Variants in FBXL2 observed in about 807,000 individuals in gnomAD.
The protein encoded by FBXL2 is F-box/LRR-repeat protein 2.
Under a neutral mutation model 69.2 loss-of-function variants are expected in FBXL2, and 38 were observed. The observed-to-expected ratio is 0.55, with a 90% CI of 0.42 to 0.72. The LOEUF (loss-of-function observed/expected upper bound fraction) is 0.72, where lower values mean the gene tolerates loss of function less well. Ranked by LOEUF, FBXL2 falls within the 30% of genes least tolerant of loss-of-function variation. The probability of loss-of-function intolerance (pLI) is 0.00; values close to 1 mark genes in which losing one functional copy is unlikely to be tolerated. For missense variants in FBXL2, 354 were observed against 520.3 expected (o/e 0.68, Z 3.11); for synonymous variants, 192 against 201.3 (o/e 0.95, Z 0.39).
At chr3:33,332,886 A>G (rs558504429) in intron 2 of FBXL2, among the ~76,000 whole-genome samples, 7 of 152,370 alleles carry the variant, frequency 4.6e-5, no homozygotes, top group Non-Finnish European at 7.3e-5. Context: ...ATGATTGTAT[A>G]TAAGTACAGT....
rs377334392 is a variant in FBXL2, at chr3:33,299,230, C to T, written c.65+1505C>T. Among the ~76,000 whole-genome samples the T allele has an allele frequency of 3.0e-4, 45 of 151,998 alleles. No individual in the cohort carries two copies. The East Asian group carries it at 6.2e-3, about 21-fold the overall frequency. The stretch of plus-strand genomic sequence containing the variant: ...CTGATTTTTGTATTTTTAGTAGAGA[C>T]GGGGTTTCACTGTGTTGCCCAGGCT... On this transcript the variant is annotated intron_variant, in intron 2 of 14. Coordinates refer to ENST00000484457, the MANE Select transcript of FBXL2 (RefSeq NM_012157.5).
chr3:33,303,298 G>A (rs1179925691), intron 2 of FBXL2: 11 of 403,660 alleles, frequency 2.7e-5, no homozygotes, highest in Middle Eastern at 6.8e-4. Context: ...GTGGCAGTGT[G>A]GGACTGAATA....
chr3:33,277,671 G>A (rs1279918833), intron 1 of FBXL2, among the ~76,000 whole-genome samples, 156 bp downstream of exon 1: 1 of 152,036 alleles, frequency 6.6e-6, no homozygotes, highest in African/African-American at 2.4e-5. Flanking sequence ...AGGGCTGGGC[G>A]GGCCCGGGGA....
chr3:33,277,853 T>TA (rs935370769), intron 1 of FBXL2, among the ~76,000 whole-genome samples: 11 of 148,622 alleles, frequency 7.4e-5, no homozygotes, highest in East Asian at 5.9e-4. Flanking sequence ...AGGGTGTGGT[T>TA]AAAAAAAAAA....
chr3:33,303,148 G>A (rs1290994953), intron 2 of FBXL2: 1 of 456,446 alleles, frequency 2.2e-6, no homozygotes, highest in East Asian at 6.9e-5. Context: ...TATATACCAG[G>A]GCATCCTAAC....
At chr3:33,304,447 T>C (rs952368276) in intron 2 of FBXL2, among the ~76,000 whole-genome samples, 2 of 152,266 alleles carry the variant, frequency 1.3e-5, no homozygotes, top group South Asian at 4.1e-4. Context: ...CTCAAAATTC[T>C]GTTATGAAAG....
chr3:33,278,118 TTTAA>T (rs1272799894), intron 1 of FBXL2: 1 of 152,152 alleles, frequency 6.6e-6, no homozygotes, highest in Non-Finnish European at 1.5e-5. Context: ...CACTAAGGGA[TTTAA>T]TTAATTCATA....
chr3:33,381,564 C>T (rs562211098), intron 13 of FBXL2, among the ~76,000 whole-genome samples: 2 of 151,440 alleles, frequency 1.3e-5, no homozygotes, highest in Non-Finnish European at 2.9e-5. Context: ...GTGGAGGTTG[C>T]GTTGAGCCGA....
At chr3:33,400,854 A>G in intron 12 of FBXL2, 2 of 1,042,330 alleles carry the variant, frequency 1.9e-6, no homozygotes, top group Non-Finnish European at 2.8e-6. Flanking sequence ...ACACATTACC[A>G]TACATGTAAC....
At chr3:33,329,063 C>T (rs540309862) in intron 2 of FBXL2, among the ~76,000 whole-genome samples, 1 of 152,192 alleles carries the variant, frequency 6.6e-6, no homozygotes, top group South Asian at 2.1e-4. Context: ...CAAACACCTA[C>T]CTTCCCCCGA....
At chr3:33,302,943 A>G (rs1399496797) in intron 2 of FBXL2, 2 of 273,236 alleles carry the variant, frequency 7.3e-6, no homozygotes, top group Admixed American at 4.1e-5. Flanking sequence ...GAAAATCATT[A>G]TGGTTTTTGT....
At chr3:33,297,881 C>T in intron 2 of FBXL2, 156 bp downstream of exon 2, 1 of 667,178 alleles carries the variant, frequency 1.5e-6, no homozygotes, top group African/African-American at 1.8e-5. Context: ...TGCTGTTCAG[C>T]TTGTTGTTAA....
chr3:33,403,113 T>A, intron 12 of FBXL2: 1 of 504,942 alleles, frequency 2.0e-6, no homozygotes, highest in Non-Finnish European at 3.6e-6. Flanking sequence ...CTGATTAATC[T>A]TAGAGAAGAC....
chr3:33,314,294 T>TTATAATC (rs1275421542), intron 2 of FBXL2, among the ~76,000 whole-genome samples: 13 of 152,300 alleles, frequency 8.5e-5, no homozygotes, highest in Admixed American at 1.3e-4. Context: ...TAACTGAAAG[T>TTATAATC]TTGTACCGTT....
downstream of FBXL2, chr3:33,388,355 A>G (rs1055240680): frequency 2.0e-5 from 3 of 152,608 alleles, no homozygotes; most frequent in Non-Finnish European, 2.9e-5. Flanking sequence ...CAATCAGAAA[A>G]CATTTATTAT....
the FBXL2 span, among the ~76,000 whole-genome samples, chr3:33,417,344 C>T: frequency 2.7e-5 from 4 of 148,812 alleles, no homozygotes; most frequent in African/African-American, 7.4e-5. Flanking sequence ...TCTGCCTCTA[C>T]GATTTGCCCA....
chr3:33,373,724 G>A lies in FBXL2; in HGVS notation c.582+20G>A. 2 of 1,614,168 alleles carry A rather than the reference G, an allele frequency of 1.2e-6. No homozygotes were observed. The highest frequency in any genetic ancestry group is 1.7e-6 in the Non-Finnish European group (2 of 1,180,032). ...ACACAGGTACCAGAGGGTTGATACA[G>A]CTGTTTGTGTTATGTGTCAGGTGTG... is the stretch of plus-strand genomic sequence containing the variant. On this transcript the variant is annotated intron_variant, in intron 8 of 14. Coordinates refer to ENST00000484457, the MANE Select transcript of FBXL2 (RefSeq NM_012157.5).
chr3:33,402,859 G>A, intron 12 of FBXL2: 1 of 1,610,380 alleles, frequency 6.2e-7, no homozygotes, highest in Non-Finnish European at 8.5e-7. Context: ...GCTGGGGAAG[G>A]GCTGTTATTC....
chr3:33,342,481 C>T (rs920898831), intron 2 of FBXL2, among the ~76,000 whole-genome samples: 5 of 151,182 alleles, frequency 3.3e-5, no homozygotes, highest in African/African-American at 1.2e-4. Context: ...TCCTCAATTA[C>T]GAAAAAATAG....
Sources: allele counts gnomAD v4.1 joint callset (sites outside exome capture counted in the v4.1 genomes callset), GRCh38; gene constraint gnomAD v4.1.1; transcripts MANE v1.5; gene names NCBI Gene and HGNC (gene_info 2026-07-23, HGNC 2026-07-21).